Variants in ACACA observed in about 807,000 individuals in gnomAD.
ACACA encodes acetyl-CoA carboxylase alpha.
In ACACA, 103 loss-of-function variants were observed where a neutral mutation model predicts 296.1. That is an observed-to-expected ratio of 0.35 (90% CI 0.30 to 0.41). The LOEUF is 0.41. Among genes scored for constraint, ACACA ranks in the 10% least tolerant of loss-of-function variants. ACACA has a pLI of 1.00. For synonymous variants in ACACA, 953 were observed against 1,038.6 expected (o/e 0.92, Z 1.58); for missense variants, 1,554 against 2,989.7 (o/e 0.52, Z 11.20).
At chr17:37,138,023 T>C (rs148854439) in intron 45 of ACACA, among the ~76,000 whole-genome samples, 1 of 152,344 alleles carries the variant, frequency 6.6e-6, no homozygotes, top group African/African-American at 2.4e-5. Flanking sequence ...GCGCATACTA[T>C]TTTAGAAGGC....
chr17:37,303,814 C>T lies in ACACA; in HGVS notation c.339-18844G>A, dbSNP rs529747284. On this transcript the variant is annotated intron_variant, in intron 3 of 55. Coordinates refer to ENST00000616317, the MANE Select transcript of ACACA (RefSeq NM_198834.3). ...CGGAGGTTGCAGTGAGCCAAGATCG[C>T]GCCATTGCATTCCAGCCTGGGCAAC... Among the ~76,000 whole-genome samples the T allele has an allele frequency of 8.5e-4, 130 of 152,268 alleles. 1 individual carries two copies. Among genetic ancestry groups the T allele is most frequent in the African/African-American group, 3.0e-3 (126 of 41,550 alleles).
chr17:37,127,021 G>A (rs764004422), intron 47 of ACACA, among the ~76,000 whole-genome samples: 5 of 152,160 alleles, frequency 3.3e-5, no homozygotes, highest in Non-Finnish European at 5.9e-5. Flanking sequence ...ATTTGGGAGC[G>A]AGTGTTAGCT....
chr17:37,355,070 C>G (rs570821849), intron 1 of ACACA, among the ~76,000 whole-genome samples: 1 of 151,474 alleles, frequency 6.6e-6, no homozygotes, highest in East Asian at 1.9e-4. Flanking sequence ...ATGGTGAAAC[C>G]CCATCTCTAT....
Position 37,117,372 on chromosome 17 carries a change from A to AT in ACACA, c.6274+3982dup, listed in dbSNP as rs556927888. Among the ~76,000 whole-genome samples the AT allele has an allele frequency of 2.8e-4, 43 of 152,210 alleles. No individual in the cohort carries two copies. The Middle Eastern group carries it at 0.01, about 36-fold the overall frequency. The stretch of plus-strand genomic sequence containing the variant: ...TCATTCCAGTTAAAGTTTTCAATAA[A>AT]TTTTTTTTATTGTTATTTATAACCT... On this transcript the variant is annotated intron_variant, in intron 50 of 55. Transcript: ENST00000616317.
intron 1 of ACACA, among the ~76,000 whole-genome samples, chr17:37,373,256 CT>C (rs55668294): frequency 0.021 from 3,096 of 149,354 alleles, 54 homozygotes; most frequent in Non-Finnish European, 0.03. Flanking sequence ...TGCAGGCTGA[CT>C]TTTTTTTTTA....
chr17:37,402,866 G>T (rs1205513013), intron 1 of ACACA, among the ~76,000 whole-genome samples: 3 of 152,034 alleles, frequency 2.0e-5, no homozygotes, highest in African/African-American at 4.8e-5. Context: ...TTGAGATGGG[G>T]TTTCACCATG....
chr17:37,317,131 A>G (rs973735393), intron 3 of ACACA, among the ~76,000 whole-genome samples: 6 of 151,956 alleles, frequency 3.9e-5, no homozygotes, highest in South Asian at 2.1e-4. Context: ...TTATATGGGG[A>G]AAAAAAGCAG....
At chr17:37,356,314 C>T (rs2049138818) in intron 1 of ACACA, among the ~76,000 whole-genome samples, 1 of 152,094 alleles carries the variant, frequency 6.6e-6, no homozygotes, top group African/African-American at 2.4e-5. Flanking sequence ...TGTTTATTCG[C>T]TTTTTTGTAA....
chr17:37,194,933 A>ACCCCCCCC (rs111271581), intron 35 of ACACA, among the ~76,000 whole-genome samples: 3 of 150,450 alleles, frequency 2.0e-5, no homozygotes, highest in African/African-American at 7.4e-5. Context: ...ATTCTCTGAC[A>ACCCCCCCC]CCCCCCCCAC....
At chr17:37,240,343 G>A in intron 24 of ACACA, 133 bp downstream of exon 24, 1 of 744,790 alleles carries the variant, frequency 1.3e-6, no homozygotes, top group Non-Finnish European at 2.3e-6. Flanking sequence ...AGTAGTGATA[G>A]GAGACTGTTT....
intron 28 of ACACA, among the ~76,000 whole-genome samples, chr17:37,222,270 CA>C (rs1053225353): frequency 3.4e-4 from 52 of 152,274 alleles, no homozygotes; most frequent in African/African-American, 1.2e-3. Flanking sequence ...CACAAGCAAT[CA>C]CAGTACAGTT....
At chr17:37,347,535 C>G (rs2048683384) in intron 1 of ACACA, among the ~76,000 whole-genome samples, 1 of 152,032 alleles carries the variant, frequency 6.6e-6, no homozygotes, top group Non-Finnish European at 1.5e-5. Context: ...CTCAAGCGAT[C>G]CTCCAGCCTC....
At chr17:37,136,327 A>G (rs961735346) in intron 45 of ACACA, among the ~76,000 whole-genome samples, 1 of 152,178 alleles carries the variant, frequency 6.6e-6, no homozygotes, top group Non-Finnish European at 1.5e-5. Context: ...TTTTGAATCT[A>G]GCTTCTTTCA....
At chr17:37,176,120 T>A (rs945132384) in intron 41 of ACACA, among the ~76,000 whole-genome samples, 1 of 152,182 alleles carries the variant, frequency 6.6e-6, no homozygotes, top group Non-Finnish European at 1.5e-5. Context: ...TGGCCACCCA[T>A]ACAGCCAATG....
chr17:37,282,874 T>C (rs1660740899), intron 5 of ACACA, among the ~76,000 whole-genome samples: 1 of 151,956 alleles, frequency 6.6e-6, no homozygotes, highest in South Asian at 2.1e-4. Context: ...AAAAAAAAAA[T>C]CTTAACCCAA....
chr17:37,119,341 G>T lies in ACACA; in HGVS notation c.6274+2014C>A, dbSNP rs146175834. Among the ~76,000 whole-genome samples, 9 of 152,058 alleles carry T rather than the reference G, an allele frequency of 5.9e-5. No individual in the cohort carries two copies. In the East Asian group the frequency reaches 1.5e-3, roughly 26 times the overall value. ...TTATTTTGACTTATTTTTGTTCTCT[G>T]AAGTGGCTAGCATAGTTCCTAACAC... On this transcript the variant is annotated intron_variant, in intron 50 of 55. Coordinates refer to ENST00000616317, the MANE Select transcript of ACACA (RefSeq NM_198834.3).
At chr17:37,191,029 T>C (rs971110697) in intron 38 of ACACA, 91 bp downstream of exon 38, 176 of 1,444,396 alleles carry the variant, frequency 1.2e-4, no homozygotes, top group Non-Finnish European at 1.6e-4. Flanking sequence ...GAACAAGGAG[T>C]ACCTGTTTCC....
At chr17:37,392,203 T>C (rs996445145) in intron 1 of ACACA, 2 of 162,160 alleles carry the variant, frequency 1.2e-5, no homozygotes, top group Non-Finnish European at 2.7e-5. Flanking sequence ...CTTCTGGTAC[T>C]ACATGTATCT....
At chr17:37,310,029 C>T (rs185169990) in intron 3 of ACACA, among the ~76,000 whole-genome samples, 2 of 152,098 alleles carry the variant, frequency 1.3e-5, no homozygotes, top group Admixed American at 1.3e-4. Flanking sequence ...AGAGCAAGAC[C>T]CTGTTTCAAA....
Sources: gnomAD v4.1 joint callset for allele counts (sites outside exome capture counted in the v4.1 genomes callset) on GRCh38, gnomAD v4.1.1 for gene constraint, MANE v1.5 for transcripts, NCBI Gene and HGNC (gene_info 2026-07-23, HGNC 2026-07-21) for gene names.